The following GALNT18 variants were observed in gnomAD, a reference collection of about 807,000 sequenced individuals.
GALNT18 encodes polypeptide N-acetylgalactosaminyltransferase 18, also known as GalNAc-transferase 18.
In GALNT18, 44 loss-of-function variants were observed where a neutral mutation model predicts 69.5. That is an observed-to-expected ratio of 0.63 (90% CI 0.50 to 0.81). The LOEUF (loss-of-function observed/expected upper bound fraction) is 0.81. Among genes scored for constraint, GALNT18 ranks in the 40% least tolerant of loss-of-function variants. The pLI is 0.00. For synonymous variants in GALNT18, 364 were observed against 318.2 expected (o/e 1.14, Z -1.53); for missense variants, 715 against 810.0 (o/e 0.88, Z 1.42).
At position 11,564,473 on chromosome 11, in the gene GALNT18, A is replaced by G. The variant is rs1305854473; in HGVS notation, c.235+56886T>C. Among the ~76,000 whole-genome samples, 1 of 152,034 alleles carries G rather than the reference A, an allele frequency of 6.6e-6. No homozygotes were observed. Among genetic ancestry groups the G allele is most frequent in the Non-Finnish European group, 1.5e-5 (1 of 67,990 alleles). ...GAGACCCCCCTGGGTCTTCTCATCC[A>G]TGCCTCCCTTCTTTTCTTCCCCACG... On this transcript the variant is annotated intron_variant, in intron 1 of 10. Transcript: ENST00000227756. This position sits in a 1 kb window ranked among gnomAD's most constrained non-coding sequence, Gnocchi z 4.3.
chr11:11,591,642 A>C lies in GALNT18; in HGVS notation c.235+29717T>G, dbSNP rs60446659. 0.024 allele frequency among the ~76,000 whole-genome samples: 3,690 copies of C among 152,284 alleles called. 158 individuals carry two copies. The highest frequency in any genetic ancestry group is 0.085 in the African/African-American group (3,518 of 41,540). The stretch of plus-strand genomic sequence containing the variant: ...CTGTCATTTTAAAACAACTTTATGG[A>C]AATGCTCCCTCCTGGGTGAATGTAT... On this transcript the variant is annotated intron_variant, in intron 1 of 10. Transcript: ENST00000227756. This position sits in a 1 kb window ranked among gnomAD's most constrained non-coding sequence, Gnocchi z 4.8.
chr11:11,278,335 G>C (rs938140863), intron 10 of GALNT18, among the ~76,000 whole-genome samples: 2 of 150,594 alleles, frequency 1.3e-5, no homozygotes, highest in South Asian at 4.4e-4. Flanking sequence ...GGACACGGCA[G>C]GGAAGGCATC....
At position 11,598,615 on chromosome 11, in the gene GALNT18, A is replaced by G. The variant is rs2133941734; in HGVS notation, c.235+22744T>C. Among the ~76,000 whole-genome samples the G allele has an allele frequency of 6.6e-6, 1 of 152,360 alleles. No individual in the cohort carries two copies. Among genetic ancestry groups the G allele is most frequent in the South Asian group, 2.1e-4 (1 of 4,828 alleles). Reference sequence around the variant, plus strand: ...ACATTTGCAAAGAGTCTTTTTTCAAATAAAATATTTACCAGTCCCAGGGAT... The same window carrying G: ...ACATTTGCAAAGAGTCTTTTTTCAAGTAAAATATTTACCAGTCCCAGGGAT... On this transcript the variant is annotated intron_variant, in intron 1 of 10. Coordinates refer to ENST00000227756, the MANE Select transcript of GALNT18 (RefSeq NM_198516.3). This position sits in a 1 kb window ranked among gnomAD's most constrained non-coding sequence, Gnocchi z 4.8.
intron 3 of GALNT18, among the ~76,000 whole-genome samples, chr11:11,388,736 A>G (rs1589961147): frequency 6.6e-6 from 1 of 152,212 alleles, no homozygotes; most frequent in Non-Finnish European, 1.5e-5. Flanking sequence ...TACACCACAT[A>G]ATGTGCACTG....
intron 1 of GALNT18, among the ~76,000 whole-genome samples, chr11:11,493,646 T>C (rs1388224081): frequency 6.6e-6 from 1 of 152,182 alleles, no homozygotes; most frequent in Non-Finnish European, 1.5e-5. Flanking sequence ...CGTCTCAAGA[T>C]TTTTTGGAAA....
Position 11,318,774 on chromosome 11 carries a change from AC to A in GALNT18, c.1512+8311del, listed in dbSNP as rs936490148. ...CCTGAAACCTAGAAATAAGGCAAAA[AC>A]AAAGAGGGGAAGTGGCCTGTCCTTT... is the stretch of plus-strand genomic sequence containing the variant. On this transcript the variant is annotated intron_variant, in intron 9 of 10. Transcript: ENST00000227756. This position sits in a 1 kb window ranked among gnomAD's most constrained non-coding sequence, Gnocchi z 5.1. 1.4e-4 allele frequency among the ~76,000 whole-genome samples: 21 copies of A among 152,296 alleles called. No individual in the cohort carries two copies. Among genetic ancestry groups the A allele is most frequent in the African/African-American group, 4.8e-4 (20 of 41,566 alleles).
At chr11:11,300,076 G>C (rs1473449049) in intron 9 of GALNT18, among the ~76,000 whole-genome samples, 2 of 152,198 alleles carry the variant, frequency 1.3e-5, no homozygotes, top group Non-Finnish European at 2.9e-5. Context: ...TGGGAAAATA[G>C]GGTTAGTTAC....
intron 9 of GALNT18, among the ~76,000 whole-genome samples, chr11:11,300,173 T>G (rs1411997953): frequency 1.3e-5 from 2 of 152,224 alleles, no homozygotes; most frequent in Non-Finnish European, 2.9e-5. Context: ...GGACTAGCTG[T>G]TTTTCCTCCA....
intron 9 of GALNT18, among the ~76,000 whole-genome samples, chr11:11,299,346 A>G (rs972061571): frequency 6.6e-6 from 1 of 152,038 alleles, no homozygotes; most frequent in African/African-American, 2.4e-5. Flanking sequence ...GGGTTTCAAC[A>G]TGTTGGCCAG....
intron 1 of GALNT18, among the ~76,000 whole-genome samples, chr11:11,594,532 A>G (rs1295328851): frequency 2.0e-5 from 3 of 152,112 alleles, no homozygotes; most frequent in Non-Finnish European, 2.9e-5. Context: ...CTGTCTCTAT[A>G]GACTTCTCTG....
intron 3 of GALNT18, among the ~76,000 whole-genome samples, chr11:11,393,027 C>T (rs1854231899): frequency 6.6e-6 from 1 of 152,126 alleles, no homozygotes. Context: ...TCACTGAAAC[C>T]AACAGTAGAA....
chr11:11,321,582 T>C (rs1849839973), intron 9 of GALNT18, among the ~76,000 whole-genome samples: 1 of 152,160 alleles, frequency 6.6e-6, no homozygotes, highest in Non-Finnish European at 1.5e-5. Context: ...TCAGTGATGC[T>C]CCAACAGTTT....
intron 3 of GALNT18, among the ~76,000 whole-genome samples, chr11:11,424,652 C>T (rs1855086721): frequency 6.6e-6 from 1 of 152,134 alleles, no homozygotes; most frequent in Non-Finnish European, 1.5e-5. Flanking sequence ...CTAAACTACT[C>T]ACTGTAATTT....
chr11:11,486,213 T>C (rs1437736662), intron 1 of GALNT18, among the ~76,000 whole-genome samples: 1 of 152,218 alleles, frequency 6.6e-6, no homozygotes, highest in African/African-American at 2.4e-5. Flanking sequence ...TCCCAGGTCC[T>C]TGTACCTCCC....
rs1368974570 is a variant in GALNT18, at chr11:11,505,794, T to A, written c.236-56858A>T. ...TTTGCATGCCTTCAAGTTCTGTCTA[T>A]GCTTTCTTCCCACTGTTTCACATCT... On this transcript the variant is annotated intron_variant, in intron 1 of 10. Transcript: ENST00000227756. This position sits in a 1 kb window ranked among gnomAD's most constrained non-coding sequence, Gnocchi z 4.6. Among the ~76,000 whole-genome samples the A allele has an allele frequency of 6.6e-6, 1 of 152,220 alleles. No individual in the cohort carries two copies. The highest frequency in any genetic ancestry group is 1.5e-5 in the Non-Finnish European group (1 of 68,042).
At chr11:11,488,339 TC>T (rs1345994067) in intron 1 of GALNT18, among the ~76,000 whole-genome samples, 1 of 152,090 alleles carries the variant, frequency 6.6e-6, no homozygotes, top group Non-Finnish European at 1.5e-5. Context: ...GTCCTCTTCG[TC>T]TGTCTTCACA....
In GALNT18 at chr11:11,289,366, C is replaced by T. The variant is rs899964447; in HGVS notation, c.1677+3663G>A. 5.9e-5 allele frequency among the ~76,000 whole-genome samples: 9 copies of T among 152,304 alleles called. No homozygotes were observed. The East Asian group carries it at 1.3e-3, about 23-fold the overall frequency. On this transcript the variant is annotated intron_variant, in intron 10 of 10. Coordinates refer to ENST00000227756, the MANE Select transcript of GALNT18 (RefSeq NM_198516.3). ...CAAATATATGGTTGCCAAAGCACTC[C>T]GGGGAGTTTTAAGTAGACATATGCC... is the stretch of plus-strand genomic sequence containing the variant.
Position 11,497,497 on chromosome 11 carries a change from C to A in GALNT18, c.236-48561G>T, listed in dbSNP as rs1306446565. On this transcript the variant is annotated intron_variant, in intron 1 of 10. Coordinates refer to ENST00000227756, the MANE Select transcript of GALNT18 (RefSeq NM_198516.3). The surrounding 1 kb of genome is among the most constrained non-coding windows in gnomAD (Gnocchi z 4.2). ...CCAGAACCTGGAACAGTGTTAGGCACAAAATAGCTGATTAATAAATTTGTG... is the reference window on the plus strand; with the variant it reads ...CCAGAACCTGGAACAGTGTTAGGCAAAAAATAGCTGATTAATAAATTTGTG... 6.6e-6 allele frequency among the ~76,000 whole-genome samples: 1 copy of A among 151,928 alleles called. No homozygotes were observed. The highest frequency in any genetic ancestry group is 1.5e-5 in the Non-Finnish European group (1 of 67,978).
chr11:11,476,313 T>C (rs1856395817), intron 1 of GALNT18: 1 of 152,128 alleles, frequency 6.6e-6, no homozygotes, highest in Non-Finnish European at 1.5e-5. Context: ...TCCAGACTCT[T>C]ACCTTGCAAT....
Sources: allele counts gnomAD v4.1 joint callset (sites outside exome capture counted in the v4.1 genomes callset), GRCh38; gene constraint gnomAD v4.1.1; non-coding constraint Gnocchi (gnomAD v3.1); transcripts MANE v1.5; gene names NCBI Gene and HGNC (gene_info 2026-07-23, HGNC 2026-07-21).